The following ADGRA3 variants were observed in gnomAD, a reference collection of about 807,000 sequenced individuals.
ADGRA3 encodes the protein adhesion G protein-coupled receptor A3, also known as G-protein coupled receptor 125.
ADGRA3 carries 56 observed loss-of-function variants against 119.8 expected under a neutral mutation model. That is an observed-to-expected ratio of 0.47 (90% CI 0.38 to 0.58). The LOEUF (loss-of-function observed/expected upper bound fraction) is 0.58. ADGRA3 is among the 20% of genes least tolerant of loss of function. The pLI, the probability that ADGRA3 is intolerant of heterozygous loss-of-function variation, is 0.00. For missense variants in ADGRA3, 1,516 were observed against 1,649.0 expected (o/e 0.92, Z 1.40); for synonymous variants, 607 against 623.8 (o/e 0.97, Z 0.40).
intron 4 of ADGRA3, among the ~76,000 whole-genome samples, chr4:22,448,947 C>A (rs1716925959): frequency 6.6e-6 from 1 of 152,040 alleles, no homozygotes; most frequent in African/African-American, 2.4e-5. Flanking sequence ...GTATACATCA[C>A]AATAACATTT....
At chr4:22,503,804 G>A (rs993355585) in intron 1 of ADGRA3, among the ~76,000 whole-genome samples, 2 of 152,256 alleles carry the variant, frequency 1.3e-5, no homozygotes, top group East Asian at 1.9e-4. Flanking sequence ...ACAGTACTTG[G>A]GGAGAGGGCA....
chr4:22,464,196 C>A (rs1384979495), intron 2 of ADGRA3, among the ~76,000 whole-genome samples: 1 of 152,176 alleles, frequency 6.6e-6, no homozygotes, highest in African/African-American at 2.4e-5. Flanking sequence ...ATTACCATCA[C>A]TGGGTAGGTA....
intron 1 of ADGRA3, chr4:22,477,955 C>A (rs2109128573): frequency 6.6e-6 from 1 of 152,192 alleles, no homozygotes; most frequent in Non-Finnish European, 1.5e-5. Context: ...AAACCTAAAA[C>A]CCATTCATAA....
At chr4:22,488,457 T>C (rs971017942) in intron 1 of ADGRA3, among the ~76,000 whole-genome samples, 5 of 152,122 alleles carry the variant, frequency 3.3e-5, no homozygotes, top group African/African-American at 7.2e-5. Context: ...ATGAGCTCAG[T>C]TGGTGCCTAC....
intron 12 of ADGRA3, among the ~76,000 whole-genome samples, chr4:22,419,017 T>C (rs917530404): frequency 1.6e-4 from 25 of 152,144 alleles, no homozygotes; most frequent in African/African-American, 6.0e-4. Context: ...GACTCAAAGT[T>C]ACCGTGGTTT....
intron 16 of ADGRA3, among the ~76,000 whole-genome samples, chr4:22,396,808 G>A (rs1236260877): frequency 2.0e-5 from 3 of 152,030 alleles, no homozygotes. Context: ...TGTTCTTGAA[G>A]CCCTAAAAAC....
intron 4 of ADGRA3, among the ~76,000 whole-genome samples, chr4:22,453,671 A>G (rs1717141023): frequency 6.6e-6 from 1 of 152,184 alleles, no homozygotes; most frequent in Admixed American, 6.5e-5. Flanking sequence ...CCCTATTCCC[A>G]GACTACTTGT....
intron 1 of ADGRA3, among the ~76,000 whole-genome samples, chr4:22,511,960 G>A (rs543807501): frequency 2.8e-5 from 4 of 143,962 alleles, no homozygotes; most frequent in Admixed American, 1.4e-4. Flanking sequence ...GCAGTGGCAC[G>A]ATCTTCACTC....
intron 9 of ADGRA3, among the ~76,000 whole-genome samples, chr4:22,435,681 T>C (rs1716364985): frequency 1.3e-5 from 2 of 152,118 alleles, no homozygotes; most frequent in Non-Finnish European, 2.9e-5. Context: ...TGGAGTGAAA[T>C]ACAATAATAC....
At chr4:22,505,455 T>C (rs1279569795) in intron 1 of ADGRA3, among the ~76,000 whole-genome samples, 1 of 151,938 alleles carries the variant, frequency 6.6e-6, no homozygotes, top group Non-Finnish European at 1.5e-5. Context: ...GAAACCAACC[T>C]GGCCAAGATG....
At chr4:22,390,781 G>A (rs1041445668) in intron 17 of ADGRA3, among the ~76,000 whole-genome samples, 5 of 152,092 alleles carry the variant, frequency 3.3e-5, no homozygotes, top group Admixed American at 2.6e-4. Flanking sequence ...TTTGGGGACT[G>A]CAGAGAGTTT....
At chr4:22,427,816 C>T (rs1350646375) in intron 10 of ADGRA3, among the ~76,000 whole-genome samples, 1 of 152,182 alleles carries the variant, frequency 6.6e-6, no homozygotes, top group Non-Finnish European at 1.5e-5. Flanking sequence ...TCTCCTTGGC[C>T]TCATTCCCCG....
chr4:22,435,442 C>A lies in ADGRA3; in HGVS notation c.1312G>T (p.Val438Leu), dbSNP rs780634313. The A allele has an allele frequency of 6.2e-7, 1 of 1,603,546 alleles. No homozygotes were observed. The highest frequency in any genetic ancestry group is 8.5e-7 in the Non-Finnish European group (1 of 1,172,276). ...GCCAGTAACTGTCGAGCTGTTGCCA[C>A]GGCATTGGTAAGATTGAGGGGCATC... ...NQMPLNLTNA[V>L]ATARQLLAYT... The change falls in exon 10 of 19, where the codon GTG becomes TTG. Residue 438 changes from valine to leucine, a missense_variant. Physicochemically the swap from Val to Leu is conservative, Grantham distance 32 (BLOSUM62 1). Around this residue, in one of 2 missense-constraint regions of ADGRA3, gnomAD observed 1,088 missense variants for 1,107.1 expected, o/e 0.98. Transcript: ENST00000334304.
chr4:22,401,193 C>G (rs1053345983), intron 16 of ADGRA3, among the ~76,000 whole-genome samples: 1 of 152,046 alleles, frequency 6.6e-6, no homozygotes, highest in South Asian at 2.1e-4. Context: ...ATAGCCATAA[C>G]GTGTAACACT....
At chr4:22,419,576 G>A (rs1715565533) in intron 12 of ADGRA3, among the ~76,000 whole-genome samples, 1 of 152,112 alleles carries the variant, frequency 6.6e-6, no homozygotes, top group South Asian at 2.1e-4. Context: ...TCCTTACCCA[G>A]AGGGGTAGGT....
chr4:22,503,358 AATCAGGAAG>A, intron 1 of ADGRA3, among the ~76,000 whole-genome samples: 1 of 152,346 alleles, frequency 6.6e-6, no homozygotes, highest in East Asian at 1.9e-4. Flanking sequence ...ATAAGAAAAG[AATCAGGAAG>A]AATTGCACAA....
Position 22,442,867 on chromosome 4 carries a change from G to A in ADGRA3, c.707-4C>T, listed in dbSNP as rs776458593. ...GACGGCAATTCAAGCGGAGGGTCTA[G>A]AGACAATCAAACAAAGATTCAGTAA... On this transcript the variant is annotated splice_polypyrimidine_tract_variant and splice_region_variant and intron_variant, in intron 6 of 18. Coordinates refer to ENST00000334304, the MANE Select transcript of ADGRA3 (RefSeq NM_145290.4). 1.7e-5 allele frequency: 27 copies of A among 1,601,914 alleles called. No homozygotes were observed. Among genetic ancestry groups the A allele is most frequent in the East Asian group, 2.2e-5 (1 of 44,802 alleles).
At chr4:22,406,840 A>G (rs1714952846) in intron 14 of ADGRA3, among the ~76,000 whole-genome samples, 1 of 152,160 alleles carries the variant, frequency 6.6e-6, no homozygotes, top group African/African-American at 2.4e-5. Flanking sequence ...GCTGTTATGC[A>G]GGTAGTATTA....
chr4:22,453,877 G>C (rs1313260202), intron 4 of ADGRA3, among the ~76,000 whole-genome samples: 3 of 151,702 alleles, frequency 2.0e-5, no homozygotes, highest in Non-Finnish European at 4.4e-5. Context: ...TTGAGACAGA[G>C]TCTTGCTCTG....
Sources: gnomAD v4.1 joint callset for allele counts (sites outside exome capture counted in the v4.1 genomes callset) on GRCh38, gnomAD v4.1.1 for gene constraint, gnomAD v4.1.1 regional missense constraint, MANE v1.5 for transcripts, NCBI Gene and HGNC (gene_info 2026-07-23, HGNC 2026-07-21) for gene names.